Variants in RHOJ observed in about 807,000 individuals in gnomAD.
RHOJ encodes the protein ras homolog family member J.
In RHOJ, 11 loss-of-function variants were observed where a neutral mutation model predicts 23.4. The observed-to-expected ratio is 0.47, with a 90% CI of 0.30 to 0.78. RHOJ has a LOEUF of 0.78. Among genes scored for constraint, RHOJ ranks in the 30% least tolerant of loss-of-function variants. RHOJ has a pLI of 0.08. For synonymous variants in RHOJ, 102 were observed against 102.7 expected, an observed-to-expected ratio of 0.99 and a Z score of 0.04; for missense variants, 254 against 273.4, an observed-to-expected ratio of 0.93 and a Z score of 0.50.
intron 1 of RHOJ, among the ~76,000 whole-genome samples, chr14:63,214,149 C>A (rs548177628): frequency 1.2e-3 from 180 of 152,266 alleles, no homozygotes; most frequent in South Asian, 5.0e-3. Flanking sequence ...CCAGACTTGC[C>A]TGGCCATAAG....
chr14:63,261,139 G>T (rs1050934857), intron 1 of RHOJ, among the ~76,000 whole-genome samples: 2 of 152,102 alleles, frequency 1.3e-5, no homozygotes, highest in African/African-American at 4.8e-5. Context: ...ACCCAAGGTT[G>T]TATCTCTCTT....
chr14:63,265,992 C>T (rs8013153), intron 1 of RHOJ, among the ~76,000 whole-genome samples: 9 of 152,186 alleles, frequency 5.9e-5, no homozygotes, highest in African/African-American at 1.9e-4. Context: ...TCTGGGTAGC[C>T]GGCTTCAGAG....
chr14:63,287,728 A>G (rs1025195362), intron 4 of RHOJ, among the ~76,000 whole-genome samples: 5 of 151,916 alleles, frequency 3.3e-5, no homozygotes, highest in Non-Finnish European at 7.4e-5. Context: ...TACACCCTCA[A>G]TCTCTACTTT....
At chr14:63,240,198 A>G (rs1894858954) in intron 1 of RHOJ, among the ~76,000 whole-genome samples, 1 of 152,226 alleles carries the variant, frequency 6.6e-6, no homozygotes. Flanking sequence ...AAAAATATTA[A>G]AAGTTTTAAT....
intron 1 of RHOJ, among the ~76,000 whole-genome samples, chr14:63,246,417 G>A (rs958761389): frequency 1.1e-4 from 16 of 152,130 alleles, no homozygotes; most frequent in African/African-American, 3.6e-4. Flanking sequence ...AAACCACATC[G>A]TAGGTAAAGC....
At chr14:63,257,236 CAAAAAAAA>C (rs11463617) in intron 1 of RHOJ, among the ~76,000 whole-genome samples, 1 of 49,096 alleles carries the variant, frequency 2.0e-5, no homozygotes, top group African/African-American at 8.3e-5. Flanking sequence ...AGACTGTCTC[CAAAAAAAA>C]AAAAAAAAAA....
chr14:63,224,552 C>T (rs1381234407), intron 1 of RHOJ, among the ~76,000 whole-genome samples: 1 of 152,228 alleles, frequency 6.6e-6, no homozygotes, highest in East Asian at 1.9e-4. Context: ...AGAAAGACTC[C>T]CAATAAGAAC....
Position 63,291,443 on chromosome 14 carries a change from C to T in RHOJ, c.*419C>T, listed in dbSNP as rs556390748. On this transcript the variant is annotated 3_prime_UTR_variant, in exon 5 of 5. Coordinates refer to ENST00000316754, the MANE Select transcript of RHOJ (RefSeq NM_020663.5). ...TTTTATAAAACTTGGGACTACAATA[C>T]TAACCTTTTTTTCTGAATCTGCTGT... 56 of 250,486 alleles carry T rather than the reference C, an allele frequency of 2.2e-4. No homozygotes were observed. The highest frequency in any genetic ancestry group is 3.5e-4 in the Non-Finnish European group (45 of 127,284). The allele number at this position is 250,486 out of a possible 1,614,324, so 15.5% of individuals were successfully genotyped here. A position where few individuals can be genotyped will look rare whatever the true frequency, so the allele number is the denominator to read the frequency against.
chr14:63,265,100 C>G (rs1895343426), intron 1 of RHOJ, among the ~76,000 whole-genome samples: 1 of 152,156 alleles, frequency 6.6e-6, no homozygotes, highest in African/African-American at 2.4e-5. Flanking sequence ...ATATCTTTCT[C>G]AAGGCCAATG....
At chr14:63,225,068 C>G (rs1000060772) in intron 1 of RHOJ, among the ~76,000 whole-genome samples, 2 of 151,604 alleles carry the variant, frequency 1.3e-5, no homozygotes, top group African/African-American at 4.8e-5. Flanking sequence ...TCTCCTGCCT[C>G]AGCCTCCCGA....
Position 63,293,237 on chromosome 14 carries a change from CAT to C in RHOJ, c.*2215_*2216del, listed in dbSNP as rs1206716646. 6.6e-6 allele frequency: 1 copy of C among 152,320 alleles called. No individual in the cohort carries two copies. Among genetic ancestry groups the C allele is most frequent in the South Asian group, 2.1e-4 (1 of 4,826 alleles). The allele number at this position is 152,320 out of a possible 1,614,324, so 9.4% of individuals were successfully genotyped here. The stretch of plus-strand genomic sequence containing the variant: ...ATTAGGCAGCTTTGTTGCATGATTG[CAT>C]AGTTATATCTTGCTAACGGGCCACT... On this transcript the variant is annotated 3_prime_UTR_variant, in exon 5 of 5. Coordinates refer to ENST00000316754, the MANE Select transcript of RHOJ (RefSeq NM_020663.5).
intron 1 of RHOJ, among the ~76,000 whole-genome samples, chr14:63,238,908 A>T (rs1177473032): frequency 2.0e-5 from 3 of 152,184 alleles, no homozygotes; most frequent in Non-Finnish European, 4.4e-5. Flanking sequence ...ATTAAGAAAC[A>T]TGCCCATGGT....
chr14:63,250,644 C>G (rs1037613885), intron 1 of RHOJ, among the ~76,000 whole-genome samples: 1 of 152,128 alleles, frequency 6.6e-6, no homozygotes, highest in African/African-American at 2.4e-5. Context: ...TTCCACTATG[C>G]ACACAAACAC....
At chr14:63,260,834 C>T (rs528556746) in intron 1 of RHOJ, among the ~76,000 whole-genome samples, 1 of 150,826 alleles carries the variant, frequency 6.6e-6, no homozygotes, top group African/African-American at 2.5e-5. Flanking sequence ...TTGTTGTACA[C>T]ATGTACAGGT....
At chr14:63,228,994 A>T (rs887504334) in intron 1 of RHOJ, among the ~76,000 whole-genome samples, 1 of 152,158 alleles carries the variant, frequency 6.6e-6, no homozygotes, top group African/African-American at 2.4e-5. Context: ...CTGTATTATA[A>T]TGGCCTATTT....
chr14:63,222,165 T>C (rs1894509093), intron 1 of RHOJ, among the ~76,000 whole-genome samples: 1 of 152,076 alleles, frequency 6.6e-6, no homozygotes. Context: ...CATCCTTATT[T>C]ATGGCTGCAT....
chr14:63,268,472 T>C (rs909039316), intron 1 of RHOJ, among the ~76,000 whole-genome samples: 5 of 152,194 alleles, frequency 3.3e-5, no homozygotes, highest in African/African-American at 1.2e-4. Flanking sequence ...ACTGAACCCA[T>C]ACAACATCTT....
chr14:63,234,944 T>A (rs1171075562), intron 1 of RHOJ, among the ~76,000 whole-genome samples: 1 of 152,194 alleles, frequency 6.6e-6, no homozygotes, highest in East Asian at 1.9e-4. Context: ...TCCTTTTAAT[T>A]TTAAAATATC....
At chr14:63,255,158 C>A (rs763979501) in intron 1 of RHOJ, among the ~76,000 whole-genome samples, 72 of 152,140 alleles carry the variant, frequency 4.7e-4, no homozygotes, top group Non-Finnish European at 9.0e-4. Flanking sequence ...CGCCTCAAAT[C>A]CCCCCCTGAG....
Sources: allele counts gnomAD v4.1 joint callset (sites outside exome capture counted in the v4.1 genomes callset), GRCh38; gene constraint gnomAD v4.1.1; transcripts MANE v1.5; gene names NCBI Gene and HGNC (gene_info 2026-07-23, HGNC 2026-07-21).